The following IRX5 variants were observed in gnomAD, a reference collection of about 807,000 sequenced individuals.
The protein encoded by IRX5 is iroquois homeobox 5.
Under a neutral mutation model 37.6 loss-of-function variants are expected in IRX5, and 8 were observed. The ratio of observed to expected loss-of-function variants is 0.21; its 90% CI spans 0.12 to 0.38. The LOEUF (loss-of-function observed/expected upper bound fraction) is 0.38. Among genes scored for constraint, IRX5 ranks in the 10% least tolerant of loss-of-function variants. The probability of loss-of-function intolerance (pLI) is 1.00; values close to 1 mark genes in which losing one functional copy is unlikely to be tolerated. For missense variants in IRX5, 635 were observed against 695.2 expected (o/e 0.91, Z 0.97); for synonymous variants, 359 against 328.6 (o/e 1.09, Z -1.00).
Position 54,931,431 on chromosome 16 carries a change from C to G in IRX5, c.233C>G (p.Ala78Gly). The G allele has an allele frequency of 6.3e-7, 1 of 1,588,734 alleles. No individual in the cohort carries two copies. Among genetic ancestry groups the G allele is most frequent in the Non-Finnish European group, 8.5e-7 (1 of 1,175,366 alleles). The change falls in exon 1 of 3, where the codon GCC (alanine) becomes GGC (glycine). Residue 78 changes from alanine to glycine, a missense_variant. Ala to Gly is a moderately conservative substitution (Grantham distance 60). Coordinates refer to ENST00000394636, the MANE Select transcript of IRX5 (RefSeq NM_005853.6). ...GACCCCGCGGCCGCCGCCGCCGCCGCCTTCTCCTCGTACGTGGTAAGTGAG... is the reference window on the plus strand; with the variant it reads ...GACCCCGCGGCCGCCGCCGCCGCCGGCTTCTCCTCGTACGTGGTAAGTGAG... ...GADPAAAAAA[A>G]FSSYVGSPYD...
In IRX5 at chr16:54,933,280, C is replaced by A. The variant is rs1298379732; in HGVS notation, c.859C>A (p.Pro287Thr). The A allele has an allele frequency of 2.2e-6, 3 of 1,360,026 alleles. No individual in the cohort carries two copies. The highest frequency in any genetic ancestry group is 3.9e-5 in the Admixed American group (1 of 25,542). 84.2% of individuals were successfully genotyped at this position (1,360,026 alleles called of 1,614,324 possible). A position where few individuals can be genotyped will look rare whatever the true frequency, so the allele number is the denominator to read the frequency against. ...GPAAARLAEDPAPHYPAGAPA... is the reference protein window; with the variant it reads ...GPAAARLAEDTAPHYPAGAPA... ...AGCGGCGGCGCGGCTGGCGGAGGAC[C>A]CGGCCCCTCACTACCCCGCCGGAGC... The change falls in exon 3 of 3, where the codon CCG becomes ACG. Residue 287 changes from proline (P) to threonine (T), a missense_variant. Physicochemically the swap from Pro to Thr is conservative, Grantham distance 38. Coordinates refer to ENST00000394636, the MANE Select transcript of IRX5 (RefSeq NM_005853.6).
Position 54,932,915 on chromosome 16 carries a change from T to A in IRX5, c.655+12T>A. ...GGGCCCCGAAGCAGGTTGGTGGACA[T>A]GGGAAAGGGCGTGTTGGGCGGGAGT... is the stretch of plus-strand genomic sequence containing the variant. On this transcript the variant is annotated intron_variant, in intron 2 of 2. Transcript: ENST00000394636. The surrounding 1 kb of genome is among the most constrained non-coding windows in gnomAD (Gnocchi z 6.7). 6.2e-7 allele frequency: 1 copy of A among 1,601,394 alleles called. No individual in the cohort carries two copies. The highest frequency in any genetic ancestry group is 8.5e-7 in the Non-Finnish European group (1 of 1,174,430).
chr16:54,932,227 C>A lies in IRX5; in HGVS notation c.250-271C>A, dbSNP rs1382065000. Reference sequence around the variant, plus strand: ...CGCACGGGGTACGGACGTGCCCGGGCAGATGGGGGCCTACGGGGTGACACC... The same window carrying A: ...CGCACGGGGTACGGACGTGCCCGGGAAGATGGGGGCCTACGGGGTGACACC... On this transcript the variant is annotated intron_variant, in intron 1 of 2. Transcript: ENST00000394636. The surrounding 1 kb of genome is among the most constrained non-coding windows in gnomAD (Gnocchi z 6.7). 1.4e-6 allele frequency: 1 copy of A among 693,518 alleles called. No individual in the cohort carries two copies. Among genetic ancestry groups the A allele is most frequent in the East Asian group, 2.7e-5 (1 of 37,008 alleles). 43.0% of individuals were successfully genotyped at this position (693,518 alleles called of 1,614,324 possible).
At position 54,933,143 on chromosome 16, in the gene IRX5, A is replaced by G. The variant is rs746551866; in HGVS notation, c.722A>G (p.Lys241Arg). Reference protein sequence around the residue: ...RLQGPPTPAGKETEGSLSDSD... With the variant: ...RLQGPPTPAGRETEGSLSDSD... ...CAGGGACCACCCACCCCTGCAGGCAAGGAGACGGAGGGCAGCCTCAGCGAC... is the reference window on the plus strand; with the variant it reads ...CAGGGACCACCCACCCCTGCAGGCAGGGAGACGGAGGGCAGCCTCAGCGAC... The change falls in exon 3 of 3, where the codon AAG becomes AGG. Residue 241 changes from lysine to arginine, a missense_variant. Physicochemically the swap from Lys to Arg is conservative, Grantham distance 26. Transcript: ENST00000394636. The G allele has an allele frequency of 8.8e-6, 14 of 1,582,206 alleles. No individual in the cohort carries two copies. In the African/African-American group the frequency reaches 1.2e-4, roughly 14 times the overall value.
chr16:54,931,354 T>C lies in IRX5; in HGVS notation c.156T>C (p.Thr52=). ...GSAFSPYAGS[T]AFTAPSPGYN... is the part of the protein sequence containing the mutation. ...CGTTCTCGCCCTACGCTGGCTCGAC[T>C]GCCTTCACGGCGCCCTCGCCGGGCT... Residue 52 remains threonine, a synonymous_variant, in exon 1 of 3, where the codon ACT becomes ACC. Coordinates refer to ENST00000394636, the MANE Select transcript of IRX5 (RefSeq NM_005853.6). 1 of 1,608,504 alleles carries C rather than the reference T, an allele frequency of 6.2e-7. No individual in the cohort carries two copies. Among genetic ancestry groups the C allele is most frequent in the Non-Finnish European group, 8.5e-7 (1 of 1,179,518 alleles).
Position 54,932,270 on chromosome 16 carries a change from A to T in IRX5, c.250-228A>T. The stretch of plus-strand genomic sequence containing the variant: ...GTGACACCGAGGCCGGGACAGCTTC[A>T]GGGGCCCCAGAAGGACCTGACCCAG... On this transcript the variant is annotated intron_variant, in intron 1 of 2. Transcript: ENST00000394636. This position sits in a 1 kb window ranked among gnomAD's most constrained non-coding sequence, Gnocchi z 6.7. The T allele has an allele frequency of 1.5e-6, 1 of 667,494 alleles. No individual in the cohort carries two copies. The highest frequency in any genetic ancestry group is 2.7e-6 in the Non-Finnish European group (1 of 371,656). 41.3% of individuals were successfully genotyped at this position (667,494 alleles called of 1,614,324 possible). A position where few individuals can be genotyped will look rare whatever the true frequency, so the allele number is the denominator to read the frequency against.
At position 54,933,219 on chromosome 16, in the gene IRX5, C is replaced by T. The variant is rs1281187435; in HGVS notation, c.798C>T (p.Gly266=). ...PSEGRLDALQ[G]PPRTGGPSPA... Reference sequence around the variant, plus strand: ...AGGGCCGCCTCGACGCGCTGCAGGGCCCCCCCCGCACCGGCGGGCCCTCCC... The same window carrying T: ...AGGGCCGCCTCGACGCGCTGCAGGGTCCCCCCCGCACCGGCGGGCCCTCCC... Residue 266 remains glycine, a synonymous_variant, in exon 3 of 3, where the codon GGC becomes GGT. Coordinates refer to ENST00000394636, the MANE Select transcript of IRX5 (RefSeq NM_005853.6). 3.4e-6 allele frequency: 5 copies of T among 1,485,458 alleles called. No individual in the cohort carries two copies. The highest frequency in any genetic ancestry group is 2.1e-5 in the Admixed American group (1 of 48,058). 92.0% of individuals were successfully genotyped at this position (1,485,458 alleles called of 1,614,324 possible). A position where few individuals can be genotyped will look rare whatever the true frequency, so the allele number is the denominator to read the frequency against.
At position 54,932,828 on chromosome 16, in the gene IRX5, A is replaced by G. The variant is rs896131274; in HGVS notation, c.580A>G (p.Ile194Val). The change falls in exon 2 of 3, where the codon ATT becomes GTT. Residue 194 changes from isoleucine to valine, a missense_variant. Around this residue, in one of 5 missense-constraint regions of IRX5, gnomAD observed 244 missense variants for 205.4 expected, o/e 1.19. Transcript: ENST00000394636. The surrounding 1 kb of genome is among the most constrained non-coding windows in gnomAD (Gnocchi z 6.7). ...RSEDEEEEENIDLEKNDEDEP... is the reference protein window; with the variant it reads ...RSEDEEEEENVDLEKNDEDEP... Reference sequence around the variant, plus strand: ...CGAGGACGAGGAAGAGGAGGAGAACATTGACCTGGAGAAGAACGACGAGGA... The same window carrying G: ...CGAGGACGAGGAAGAGGAGGAGAACGTTGACCTGGAGAAGAACGACGAGGA... 9.3e-6 allele frequency: 15 copies of G among 1,614,124 alleles called. No homozygotes were observed. Among genetic ancestry groups the G allele is most frequent in the Non-Finnish European group, 1.3e-5 (15 of 1,180,014 alleles).
Position 54,931,188 on chromosome 16 carries a change from C to T in IRX5, c.-11C>T, listed in dbSNP as rs763779918. 6.4e-7 allele frequency: 1 copy of T among 1,571,346 alleles called. No homozygotes were observed. Among genetic ancestry groups the T allele is most frequent in the Non-Finnish European group, 8.6e-7 (1 of 1,161,040 alleles). ...GCCGCGGCGCGGCGCGCCCCATGCCCGTGTGTGGCCATGTCCTATCCGCAG... is the reference window on the plus strand; with the variant it reads ...GCCGCGGCGCGGCGCGCCCCATGCCTGTGTGTGGCCATGTCCTATCCGCAG... On this transcript the variant is annotated 5_prime_UTR_variant, in exon 1 of 3. Coordinates refer to ENST00000394636, the MANE Select transcript of IRX5 (RefSeq NM_005853.6).
Position 54,933,756 on chromosome 16 carries a change from C to A in IRX5, c.1335C>A (p.Thr445=). The stretch of plus-strand genomic sequence containing the variant: ...CTCATTTCAATGGATTAAACCAGAC[C>A]GTGTTGAACCGAGCGGACGCTTTGG... ...PGSHFNGLNQ[T]VLNRADALAK... The change falls in exon 3 of 3, where the codon ACC becomes ACA. Residue 445 remains threonine (T), a synonymous_variant. Transcript: ENST00000394636. 3 of 1,614,148 alleles carry A rather than the reference C, an allele frequency of 1.9e-6. No individual in the cohort carries two copies. Among genetic ancestry groups the A allele is most frequent in the African/African-American group, 1.3e-5 (1 of 75,066 alleles).
chr16:54,932,798 C>T lies in IRX5; in HGVS notation c.550C>T (p.Arg184Cys), dbSNP rs1963915183. 1 of 1,614,006 alleles carries T rather than the reference C, an allele frequency of 6.2e-7. No individual in the cohort carries two copies. Among genetic ancestry groups the T allele is most frequent in the African/African-American group, 1.3e-5 (1 of 74,894 alleles). Residue 184 changes from arginine (R) to cysteine (C), a missense_variant, in exon 2 of 3, where the codon CGC (arginine) becomes TGC (cysteine). Around this residue, in one of 5 missense-constraint regions of IRX5, gnomAD observed 55 missense variants for 120.5 expected, o/e 0.46. Coordinates refer to ENST00000394636, the MANE Select transcript of IRX5 (RefSeq NM_005853.6). This position sits in a 1 kb window ranked among gnomAD's most constrained non-coding sequence, Gnocchi z 6.7. The stretch of plus-strand genomic sequence containing the variant: ...TAAAATGACGTGGACGCCGCGGAAC[C>T]GCAGCGAGGACGAGGAAGAGGAGGA... ...ENKMTWTPRN[R>C]SEDEEEEENI...
Position 54,934,103 on chromosome 16 carries a change from C to G in IRX5, c.*230C>G, listed in dbSNP as rs141076276. The G allele has an allele frequency of 2.0e-3, 749 of 380,648 alleles. 10 individuals carry two copies. In the Admixed American group the frequency reaches 0.03, roughly 15 times the overall value. 23.6% of individuals were successfully genotyped at this position (380,648 alleles called of 1,614,324 possible). ...AATTAAAAAAGGATTTGTATTAAATCTTATTCTGTATATTTAATGTAGCAT... is the reference window on the plus strand; with the variant it reads ...AATTAAAAAAGGATTTGTATTAAATGTTATTCTGTATATTTAATGTAGCAT... On this transcript the variant is annotated 3_prime_UTR_variant, in exon 3 of 3. Coordinates refer to ENST00000394636, the MANE Select transcript of IRX5 (RefSeq NM_005853.6).
Position 54,931,243 on chromosome 16 carries a change from GGCGC to G in IRX5, c.46_49del (p.Ala16SerfsTer139). ...ACTTGTACCAGCCGTCCGCCTCGCT[GGCGC>G]TCTACTCGTGCCCGGCGTACAGCAC... On this transcript the variant is annotated frameshift_variant, in exon 1 of 3. Coordinates refer to ENST00000394636, the MANE Select transcript of IRX5 (RefSeq NM_005853.6). LOFTEE classifies it high-confidence loss of function. 6.2e-7 allele frequency: 1 copy of G among 1,611,770 alleles called. No individual in the cohort carries two copies. The highest frequency in any genetic ancestry group is 8.5e-7 in the Non-Finnish European group (1 of 1,179,314).
Position 54,933,282 on chromosome 16 carries a change from G to C in IRX5, c.861G>C (p.Pro287=), listed in dbSNP as rs2142355162. Residue 287 remains proline (P), a synonymous_variant, in exon 3 of 3, where the codon CCG becomes CCC. Coordinates refer to ENST00000394636, the MANE Select transcript of IRX5 (RefSeq NM_005853.6). ...CGGCGGCGCGGCTGGCGGAGGACCCGGCCCCTCACTACCCCGCCGGAGCGC... is the reference window on the plus strand; with the variant it reads ...CGGCGGCGCGGCTGGCGGAGGACCCCGCCCCTCACTACCCCGCCGGAGCGC... ...GPAAARLAED[P]APHYPAGAPA... The C allele has an allele frequency of 1.5e-6, 2 of 1,361,272 alleles. No homozygotes were observed. Among genetic ancestry groups the C allele is most frequent in the Non-Finnish European group, 1.9e-6 (2 of 1,067,216 alleles). 84.3% of individuals were successfully genotyped at this position (1,361,272 alleles called of 1,614,324 possible).
rs1312937339 is a variant in IRX5 at position 54,932,427 on chromosome 16, A to G, written c.250-71A>G. 1 of 1,509,902 alleles carries G rather than the reference A, an allele frequency of 6.6e-7. No individual in the cohort carries two copies. 93.5% of individuals were successfully genotyped at this position (1,509,902 alleles called of 1,614,324 possible). A position where few individuals can be genotyped will look rare whatever the true frequency, so the allele number is the denominator to read the frequency against. ...ACAGACCCCGGGGAGCGCAGGGAAA[A>G]GGGTGCTTCGGTCGTTCCGATGGCA... On this transcript the variant is annotated intron_variant, in intron 1 of 2. Coordinates refer to ENST00000394636, the MANE Select transcript of IRX5 (RefSeq NM_005853.6). This position sits in a 1 kb window ranked among gnomAD's most constrained non-coding sequence, Gnocchi z 6.7.
chr16:54,932,472 C>T lies in IRX5; in HGVS notation c.250-26C>T. ...ATGGCAGTGGAGACCACGGTCCACACTCACCTCTCTGCGTCTCCACCGCAG... is the reference window on the plus strand; with the variant it reads ...ATGGCAGTGGAGACCACGGTCCACATTCACCTCTCTGCGTCTCCACCGCAG... On this transcript the variant is annotated intron_variant, in intron 1 of 2. Coordinates refer to ENST00000394636, the MANE Select transcript of IRX5 (RefSeq NM_005853.6). This position sits in a 1 kb window ranked among gnomAD's most constrained non-coding sequence, Gnocchi z 6.7. 2 of 1,586,934 alleles carry T rather than the reference C, an allele frequency of 1.3e-6. No homozygotes were observed. The highest frequency in any genetic ancestry group is 1.7e-6 in the Non-Finnish European group (2 of 1,165,572).
In IRX5 at chr16:54,932,498, G is replaced by T. The variant is rs1963910688; in HGVS notation, c.250G>T (p.Gly84Cys). The change falls in exon 2 of 3, where the codon GGC (glycine) becomes TGC (cysteine). Residue 84 changes from glycine (G) to cysteine (C), a missense_variant and splice_region_variant. Gly to Cys is a radical substitution (Grantham distance 159). Transcript: ENST00000394636. This position sits in a 1 kb window ranked among gnomAD's most constrained non-coding sequence, Gnocchi z 6.7. ...TCACCTCTCTGCGTCTCCACCGCAG[G>T]GCTCTCCCTACGACCACACACCCGG... is the stretch of plus-strand genomic sequence containing the variant. Reference protein sequence around the residue: ...AAAAAFSSYVGSPYDHTPGMA... With the variant: ...AAAAAFSSYVCSPYDHTPGMA... The T allele has an allele frequency of 2.5e-6, 4 of 1,606,592 alleles. No individual in the cohort carries two copies. Among genetic ancestry groups the T allele is most frequent in the South Asian group, 1.1e-5 (1 of 90,224 alleles).
Position 54,933,734 on chromosome 16 carries a change from AT to A in IRX5, c.1316del (p.Phe439SerfsTer4). On this transcript the variant is annotated frameshift_variant, in exon 3 of 3. Transcript: ENST00000394636. LOFTEE classifies it high-confidence loss of function. ...GGCCCCACAACCGGTCCGGGGTCTC[AT>A]TTCAATGGATTAAACCAGACCGTGT... ...GPGPTTGPGSHFNGLNQTVLN... is the reference protein window; with the variant it reads ...GPGPTTGPGSXFNGLNQTVLN... The A allele has an allele frequency of 6.2e-7, 1 of 1,614,052 alleles. No individual in the cohort carries two copies. The highest frequency in any genetic ancestry group is 8.5e-7 in the Non-Finnish European group (1 of 1,180,022).
rs1963887791 is a variant in IRX5 at position 54,930,986 on chromosome 16, G to C, written c.-213G>C. 1 of 159,052 alleles carries C rather than the reference G, an allele frequency of 6.3e-6. No individual in the cohort carries two copies. The highest frequency in any genetic ancestry group is 1.4e-5 in the Non-Finnish European group (1 of 73,710). The allele number at this position is 159,052 out of a possible 1,614,324, so 9.9% of individuals were successfully genotyped here. A position where few individuals can be genotyped will look rare whatever the true frequency, so the allele number is the denominator to read the frequency against. ...GGGAAAAAAAGCCCAGCTGGGGCGA[G>C]CGAGGCGCGCAGAGGAGCGGGCGCG... On this transcript the variant is annotated 5_prime_UTR_variant, in exon 1 of 3. Transcript: ENST00000394636.
Sources: gnomAD v4.1 joint callset for allele counts on GRCh38, gnomAD v4.1.1 for gene constraint, gnomAD v4.1.1 regional missense constraint, Gnocchi (gnomAD v3.1) non-coding constraint, MANE v1.5 for transcripts, NCBI Gene and HGNC (gene_info 2026-07-23, HGNC 2026-07-21) for gene names.